Variants in ENOX1 observed in about 807,000 individuals in gnomAD.
ENOX1 encodes the protein candidate growth-related and time keeping constitutive hydroquinone (NADH) oxidase.
Under a neutral mutation model 82.5 loss-of-function variants are expected in ENOX1, and 42 were observed. The ratio of observed to expected loss-of-function variants is 0.51; its 90% CI spans 0.40 to 0.66. The LOEUF is 0.66. Ranked by LOEUF, ENOX1 falls within the 30% of genes least tolerant of loss-of-function variation. The pLI, the probability that ENOX1 is intolerant of heterozygous loss-of-function variation, is 0.00. For missense variants in ENOX1, 608 were observed against 811.6 expected (o/e 0.75, Z 3.05); for synonymous variants, 271 against 282.2 (o/e 0.96, Z 0.40).
At chr13:43,406,206 G>C (rs2053784337) in intron 5 of ENOX1, among the ~76,000 whole-genome samples, 1 of 152,198 alleles carries the variant, frequency 6.6e-6, no homozygotes, top group Non-Finnish European at 1.5e-5. Context: ...ATGAAAATAA[G>C]TGGAAACACC....
intron 3 of ENOX1, among the ~76,000 whole-genome samples, chr13:43,414,842 T>C (rs1169943395): frequency 1.3e-5 from 2 of 152,192 alleles, no homozygotes; most frequent in East Asian, 1.9e-4. Context: ...TGGAACACTA[T>C]ATCAGAGAAC....
chr13:43,505,762 C>T (rs1040668821), intron 2 of ENOX1, among the ~76,000 whole-genome samples: 1 of 152,088 alleles, frequency 6.6e-6, no homozygotes, highest in African/African-American at 2.4e-5. Flanking sequence ...TTAATTAGAT[C>T]CCATTTGTCA....
intron 5 of ENOX1, among the ~76,000 whole-genome samples, chr13:43,407,672 T>C (rs1269749717): frequency 6.6e-6 from 1 of 152,174 alleles, no homozygotes; most frequent in Non-Finnish European, 1.5e-5. Context: ...GTAAAGGCCT[T>C]GGGAAAACCT....
At chr13:43,244,747 A>T (rs1016003027) in intron 14 of ENOX1, among the ~76,000 whole-genome samples, 2 of 152,136 alleles carry the variant, frequency 1.3e-5, no homozygotes. Context: ...GACAAGATCT[A>T]TGTGGTAAAG....
At chr13:43,263,205 A>G (rs927865990) in intron 14 of ENOX1, among the ~76,000 whole-genome samples, 6 of 152,160 alleles carry the variant, frequency 3.9e-5, no homozygotes, top group African/African-American at 7.2e-5. Context: ...CACCTGGGAA[A>G]CCCCTGATAA....
chr13:43,463,471 A>G (rs2057578568), intron 3 of ENOX1, among the ~76,000 whole-genome samples: 1 of 152,214 alleles, frequency 6.6e-6, no homozygotes, highest in African/African-American at 2.4e-5. Flanking sequence ...TTGGCAAATT[A>G]AAGTGCCTGG....
chr13:43,298,695 A>G (rs1049314429), intron 11 of ENOX1, among the ~76,000 whole-genome samples, 165 bp from the exon 12 acceptor site: 1 of 152,202 alleles, frequency 6.6e-6, no homozygotes, highest in Non-Finnish European at 1.5e-5. Flanking sequence ...GTCGGTATGC[A>G]TCACTTCTCT....
intron 1 of ENOX1, among the ~76,000 whole-genome samples, chr13:43,774,345 A>C (rs527776531): frequency 6.6e-6 from 1 of 152,354 alleles, no homozygotes; most frequent in South Asian, 2.1e-4. Context: ...CCAGAAAATA[A>C]GGGCTCTGGA....
chr13:43,432,484 G>GA lies in ENOX1; in HGVS notation c.-74-19497dup, dbSNP rs558572714. Among the ~76,000 whole-genome samples, 44 of 150,220 alleles carry GA rather than the reference G, an allele frequency of 2.9e-4. No individual in the cohort carries two copies. The South Asian group carries it at 6.1e-3, about 21-fold the overall frequency. Reference sequence around the variant, plus strand: ...TGAAACCCCATCTCTACTAAAAATAGAAAAAAAAATGAGGTGGGCGTGGTG... The same window carrying GA: ...TGAAACCCCATCTCTACTAAAAATAGAAAAAAAAAATGAGGTGGGCGTGGTG... On this transcript the variant is annotated intron_variant, in intron 3 of 16. Transcript: ENST00000690772.
At chr13:43,328,047 C>T (rs12867694) in intron 9 of ENOX1, among the ~76,000 whole-genome samples, 5,325 of 152,176 alleles carry the variant, frequency 0.035, 114 homozygotes, top group Admixed American at 0.052. Flanking sequence ...GGAGGATTTG[C>T]CTTCAATTTG....
intron 5 of ENOX1, among the ~76,000 whole-genome samples, chr13:43,381,207 T>C (rs1436493811): frequency 6.6e-6 from 1 of 151,788 alleles, no homozygotes; most frequent in East Asian, 1.9e-4. Context: ...ATAAAGTGTA[T>C]TCTGAGACCA....
intron 1 of ENOX1, among the ~76,000 whole-genome samples, chr13:43,704,449 G>A (rs1229734066): frequency 2.6e-5 from 4 of 151,884 alleles, no homozygotes; most frequent in Non-Finnish European, 5.9e-5. Flanking sequence ...AATGAAGAAG[G>A]AAACTGACCT....
intron 2 of ENOX1, among the ~76,000 whole-genome samples, chr13:43,510,984 T>A (rs79118012): frequency 0.02 from 2,992 of 152,238 alleles, 113 homozygotes; most frequent in African/African-American, 0.067. Context: ...CTGCGAACTT[T>A]TTCTACTAAT....
rs555040848 is a variant in ENOX1, at chr13:43,757,592, A to G, written c.-285+29060T>C. On this transcript the variant is annotated intron_variant, in intron 1 of 16. Coordinates refer to ENST00000690772, the MANE Select transcript of ENOX1 (RefSeq NM_001347969.2). ...GGCATTTCAGCAAAGAATTAGGGAA[A>G]TGCAAATTAAAGCCATAGAGAGGTA... is the stretch of plus-strand genomic sequence containing the variant. Among the ~76,000 whole-genome samples, 13 of 152,326 alleles carry G rather than the reference A, an allele frequency of 8.5e-5. No individual in the cohort carries two copies. The East Asian group carries it at 2.5e-3, about 29-fold the overall frequency.
intron 1 of ENOX1, among the ~76,000 whole-genome samples, chr13:43,670,934 T>C (rs1252613067): frequency 6.6e-6 from 1 of 152,154 alleles, no homozygotes; most frequent in Non-Finnish European, 1.5e-5. Context: ...TTTGAAAATT[T>C]CCCCTAGATT....
At chr13:43,448,305 C>T (rs1260654624) in intron 3 of ENOX1, among the ~76,000 whole-genome samples, 1 of 152,176 alleles carries the variant, frequency 6.6e-6, no homozygotes, top group African/African-American at 2.4e-5. Context: ...CTCTCATTAC[C>T]ATTGTACCTA....
rs1203921301 is a variant in ENOX1 at position 43,412,920 on chromosome 13, T to G, written c.-6A>C. 1.9e-6 allele frequency: 3 copies of G among 1,613,840 alleles called. No individual in the cohort carries two copies. In the African/African-American group the frequency reaches 4.0e-5, roughly 22 times the overall value. ...ACTCCACCTGCATCTACCATTGAAT[T>G]ATGAGTGTCCAGAGGGGCAGGAACA... is the stretch of plus-strand genomic sequence containing the variant. On this transcript the variant is annotated 5_prime_UTR_variant, in exon 4 of 17. Transcript: ENST00000690772.
chr13:43,496,678 A>G (rs1356027111), intron 2 of ENOX1, among the ~76,000 whole-genome samples: 1 of 152,098 alleles, frequency 6.6e-6, no homozygotes, highest in Non-Finnish European at 1.5e-5. Context: ...CACCACACCC[A>G]GCCTCCATTT....
intron 1 of ENOX1, among the ~76,000 whole-genome samples, chr13:43,684,592 C>G (rs575994313): frequency 6.6e-6 from 1 of 152,252 alleles, no homozygotes; most frequent in African/African-American, 2.4e-5. Context: ...ACAGTAACAA[C>G]TGGAGAATAA....
Sources: allele counts gnomAD v4.1 joint callset (sites outside exome capture counted in the v4.1 genomes callset), GRCh38; gene constraint gnomAD v4.1.1; transcripts MANE v1.5; gene names NCBI Gene and HGNC (gene_info 2026-07-23, HGNC 2026-07-21).